PPP2CA: variants seen among roughly 807,000 people sequenced by gnomAD.
PPP2CA encodes the protein protein phosphatase 2 catalytic subunit alpha, also known as serine/threonine-protein phosphatase 2A catalytic subunit alpha isoform.
In PPP2CA, 5 loss-of-function variants were observed where a neutral mutation model predicts 38.8. That is an observed-to-expected ratio of 0.13 (90% confidence interval 0.07 to 0.27). The LOEUF (loss-of-function observed/expected upper bound fraction) is 0.27. PPP2CA is among the 10% of genes least tolerant of loss of function. PPP2CA has a pLI of 1.00. For synonymous variants in PPP2CA, 152 were observed against 134.0 expected (o/e 1.13, Z -0.93); for missense variants, 88 against 389.7 (o/e 0.23, Z 6.52).
intron 1 of PPP2CA, among the ~76,000 whole-genome samples, chr5:134,217,089 C>G (rs1489711659): frequency 6.6e-6 from 1 of 152,098 alleles, no homozygotes; most frequent in African/African-American, 2.4e-5. Flanking sequence ...TGAGGACCAG[C>G]CTGACCAACA....
intron 2 of PPP2CA, 141 bp downstream of exon 2, chr5:134,205,781 A>C: frequency 1.4e-6 from 1 of 691,550 alleles, no homozygotes; most frequent in Non-Finnish European, 2.4e-6. Context: ...ATGATTTTTA[A>C]GTCCAAAACC....
At chr5:134,221,727 T>G (rs1456999724) in intron 1 of PPP2CA, among the ~76,000 whole-genome samples, 1 of 152,058 alleles carries the variant, frequency 6.6e-6, no homozygotes, top group Non-Finnish European at 1.5e-5. Flanking sequence ...CCCAGCACTT[T>G]GGGAGGCTGA....
At chr5:134,215,664 C>G (rs1762301617) in intron 1 of PPP2CA, among the ~76,000 whole-genome samples, 1 of 152,272 alleles carries the variant, frequency 6.6e-6, no homozygotes, top group African/African-American at 2.4e-5. Context: ...GTCTTGAACT[C>G]CCGGGCTCAA....
At chr5:134,213,596 G>A (rs1406319421) in intron 1 of PPP2CA, among the ~76,000 whole-genome samples, 3 of 151,776 alleles carry the variant, frequency 2.0e-5, no homozygotes, top group Non-Finnish European at 4.4e-5. Flanking sequence ...GATCAGCCTG[G>A]GCAATGTGGC....
chr5:134,201,854 A>G lies in PPP2CA; in HGVS notation c.480T>C (p.Asp160=). 1.1e-5 allele frequency: 17 copies of G among 1,613,452 alleles called. No individual in the cohort carries two copies. The highest frequency in any genetic ancestry group is 1.4e-5 in the Non-Finnish European group (17 of 1,179,726). The change falls in exon 3 of 7, where the codon GAT becomes GAC. Residue 160 remains aspartate (D), a synonymous_variant. Coordinates refer to ENST00000481195, the MANE Select transcript of PPP2CA (RefSeq NM_002715.4). ...FDYLPLTALV[D]GQIFCLHGGL... ...GAGTTTTAGATCCACATACCTGCCC[A>G]TCCACCAAGGCAGTGAGAGGAAGAT...
At chr5:134,217,506 T>A (rs1183704110) in intron 1 of PPP2CA, among the ~76,000 whole-genome samples, 3 of 152,192 alleles carry the variant, frequency 2.0e-5, no homozygotes, top group Non-Finnish European at 2.9e-5. Context: ...ATTACTAAAT[T>A]CACAGGCAAA....
chr5:134,207,094 T>C lies in PPP2CA; in HGVS notation c.103-963A>G, dbSNP rs141904572. The stretch of plus-strand genomic sequence containing the variant: ...GGTTCAAAGCATTGGTATGCAATCT[T>C]AGCTGCACATTAAAAATCCCAATGC... On this transcript the variant is annotated intron_variant, in intron 1 of 6. Transcript: ENST00000481195. Among the ~76,000 whole-genome samples the C allele has an allele frequency of 3.6e-3, 542 of 152,324 alleles. 3 individuals are homozygous for C. Among genetic ancestry groups the C allele is most frequent in the Middle Eastern group, 6.8e-3 (2 of 294 alleles).
At chr5:134,210,604 G>C (rs1762182470) in intron 1 of PPP2CA, among the ~76,000 whole-genome samples, 2 of 152,312 alleles carry the variant, frequency 1.3e-5, no homozygotes, top group South Asian at 4.1e-4. Flanking sequence ...AGCACTTTGG[G>C]AGGCCAAGGC....
At chr5:134,198,850 C>T (rs888123780) in intron 6 of PPP2CA, among the ~76,000 whole-genome samples, 1 of 152,214 alleles carries the variant, frequency 6.6e-6, no homozygotes, top group African/African-American at 2.4e-5. Context: ...GCATGAGCCA[C>T]CGCGCCTGGC....
At chr5:134,203,700 A>G (rs1415397979) in intron 2 of PPP2CA, 1 of 152,204 alleles carries the variant, frequency 6.6e-6, no homozygotes, top group Non-Finnish European at 1.5e-5. Context: ...GGGGGCTACA[A>G]TTCAGCCCAT....
At chr5:134,211,475 A>C (rs934727473) in intron 1 of PPP2CA, among the ~76,000 whole-genome samples, 2 of 68,462 alleles carry the variant, frequency 2.9e-5, no homozygotes, top group African/African-American at 7.8e-5. Context: ...CATGGAAGAC[A>C]ATTTTTTTTT....
At chr5:134,223,640 G>A (rs1451477277) in intron 1 of PPP2CA, among the ~76,000 whole-genome samples, 3 of 152,166 alleles carry the variant, frequency 2.0e-5, no homozygotes, top group Non-Finnish European at 4.4e-5. Context: ...CAAAGATGTG[G>A]AAAGCAATAT....
At chr5:134,200,627 T>G (rs1328881087) in intron 4 of PPP2CA, 131 bp from the exon 5 acceptor site, 1 of 1,012,482 alleles carries the variant, frequency 9.9e-7, no homozygotes, top group Non-Finnish European at 1.4e-6. Flanking sequence ...TAATAGACTG[T>G]GCAGTTGAAG....
intron 1 of PPP2CA, chr5:134,224,369 G>A (rs1336807486): frequency 6.9e-6 from 3 of 432,324 alleles, no homozygotes; most frequent in Non-Finnish European, 1.4e-5. Flanking sequence ...TTTTGTTCAG[G>A]CTTGGGAGAA....
intron 1 of PPP2CA, among the ~76,000 whole-genome samples, chr5:134,220,500 C>G (rs1473414344): frequency 9.0e-6 from 1 of 111,300 alleles, no homozygotes; most frequent in Non-Finnish European, 2.0e-5. Flanking sequence ...CAAAAATCTT[C>G]CTCCTTCATG....
At chr5:134,220,436 G>C (rs1008952882) in intron 1 of PPP2CA, among the ~76,000 whole-genome samples, 5 of 117,314 alleles carry the variant, frequency 4.3e-5, no homozygotes, top group African/African-American at 1.7e-4. Context: ...TCCAGCCTGG[G>C]CGACTGTGAG....
intron 1 of PPP2CA, among the ~76,000 whole-genome samples, chr5:134,209,588 T>C (rs1057271917): frequency 6.6e-6 from 1 of 152,178 alleles, no homozygotes; most frequent in African/African-American, 2.4e-5. Flanking sequence ...CAGACCAGCC[T>C]GGCCAACATG....
rs1761820149 is a variant in PPP2CA at position 134,195,054 on chromosome 5, C to T, written c.*2718G>A. 1 of 152,112 alleles carries T rather than the reference C, an allele frequency of 6.6e-6. No individual in the cohort carries two copies. The highest frequency in any genetic ancestry group is 2.4e-5 in the African/African-American group (1 of 41,408). The allele number at this position is 152,112 out of a possible 1,614,324, so 9.4% of individuals were successfully genotyped here. The stretch of plus-strand genomic sequence containing the variant: ...AACTATCCTTTTCCTGAGCTAAGTC[C>T]TTCTTGAAACTAATCTAATATTGAC... On this transcript the variant is annotated 3_prime_UTR_variant, in exon 7 of 7. Transcript: ENST00000481195.
chr5:134,225,537 A>C, intron 1 of PPP2CA: 1 of 485,026 alleles, frequency 2.1e-6, no homozygotes, highest in East Asian at 3.7e-5. Flanking sequence ...CCAGGAGTCG[A>C]GTGAACGGCG....
Sources: gnomAD v4.1 joint callset for allele counts (sites outside exome capture counted in the v4.1 genomes callset) on GRCh38, gnomAD v4.1.1 for gene constraint, MANE v1.5 for transcripts, NCBI Gene and HGNC (gene_info 2026-07-23, HGNC 2026-07-21) for gene names.